Variants in SKIC2 observed in about 807,000 individuals in gnomAD.
SKIC2 encodes the protein superkiller complex protein 2.
At chr6:31,962,284 G>T in the SKIC2 span, among the ~76,000 whole-genome samples, 6 of 152,290 alleles carry the variant, frequency 3.9e-5, no homozygotes, top group African/African-American at 1.2e-4. The surrounding 1 kb of genome is among the most constrained non-coding windows in gnomAD (Gnocchi z 5.0). Context: ...AATTTTTCTG[G>T]GGTTATATCA....
chr6:31,960,249 C>G, the SKIC2 span: 1 of 1,613,134 alleles, frequency 6.2e-7, no homozygotes, highest in South Asian at 1.1e-5. Flanking sequence ...GATCCCTGGT[C>G]TCTTTTGGCT....
the SKIC2 span, chr6:31,960,850 C>T: frequency 1.0e-6 from 1 of 954,750 alleles, no homozygotes; most frequent in Non-Finnish European, 1.6e-6. Context: ...ATATTCTGTC[C>T]ATAACAACCT....
At chr6:31,960,632 C>G in the SKIC2 span, 8 of 1,584,230 alleles carry the variant, frequency 5.0e-6, no homozygotes, top group South Asian at 9.0e-5. Context: ...TTACCCTCAT[C>G]CCATGAATCC....
chr6:31,963,793 C>T, the SKIC2 span: 6 of 1,482,294 alleles, frequency 4.0e-6, no homozygotes, highest in African/African-American at 1.4e-5. This position sits in a 1 kb window ranked among gnomAD's most constrained non-coding sequence, Gnocchi z 5.3. Context: ...TCTTTTTTTT[C>T]CCCTTGTCCC....
chr6:31,968,959 T>A, the SKIC2 span: 1 of 1,612,808 alleles, frequency 6.2e-7, no homozygotes, highest in Non-Finnish European at 8.5e-7. The surrounding 1 kb of genome is among the most constrained non-coding windows in gnomAD (Gnocchi z 6.1). Flanking sequence ...CATGAGTTGC[T>A]CCTCACTGAG....
the SKIC2 span, among the ~76,000 whole-genome samples, chr6:31,964,591 G>C: frequency 6.6e-6 from 1 of 152,178 alleles, no homozygotes; most frequent in East Asian, 1.9e-4. This position sits in a 1 kb window ranked among gnomAD's most constrained non-coding sequence, Gnocchi z 5.0. Flanking sequence ...ATATGAATAC[G>C]TAGGTCTCAG....
the SKIC2 span, chr6:31,962,559 C>T: frequency 6.2e-7 from 1 of 1,613,624 alleles, no homozygotes; most frequent in South Asian, 1.1e-5. The surrounding 1 kb of genome is among the most constrained non-coding windows in gnomAD (Gnocchi z 5.0). Flanking sequence ...AGGCCTCCTG[C>T]CTCATCATGA....
At chr6:31,969,308 A>G in the SKIC2 span, 3 of 1,614,018 alleles carry the variant, frequency 1.9e-6, no homozygotes, top group East Asian at 2.2e-5. This position sits in a 1 kb window ranked among gnomAD's most constrained non-coding sequence, Gnocchi z 6.1. Flanking sequence ...GCTGTGGCCA[A>G]GCGGATTGGT....
chr6:31,967,411 G>T, the SKIC2 span: 2 of 1,516,706 alleles, frequency 1.3e-6, no homozygotes, highest in Non-Finnish European at 1.8e-6. The surrounding 1 kb of genome is among the most constrained non-coding windows in gnomAD (Gnocchi z 4.9). Flanking sequence ...TCCAGAGGGT[G>T]GGAGGGAGCA....
At chr6:31,967,925 C>G in the SKIC2 span, 1 of 1,613,002 alleles carries the variant, frequency 6.2e-7, no homozygotes, top group South Asian at 1.1e-5. This position sits in a 1 kb window ranked among gnomAD's most constrained non-coding sequence, Gnocchi z 4.9. Flanking sequence ...GGGTCCATGG[C>G]AATGTCTGCC....
At chr6:31,964,196 A>T in the SKIC2 span, 1 of 1,609,328 alleles carries the variant, frequency 6.2e-7, no homozygotes. The surrounding 1 kb of genome is among the most constrained non-coding windows in gnomAD (Gnocchi z 5.0). Context: ...GTGTTCCGAG[A>T]CTCCATCCCT....
chr6:31,964,473 A>G, the SKIC2 span: 2 of 686,202 alleles, frequency 2.9e-6, no homozygotes, highest in African/African-American at 1.8e-5. The surrounding 1 kb of genome is among the most constrained non-coding windows in gnomAD (Gnocchi z 5.0). Flanking sequence ...GATTCAGACT[A>G]CCTGGGTTTG....
At chr6:31,964,557 C>T in the SKIC2 span, among the ~76,000 whole-genome samples, 2 of 152,156 alleles carry the variant, frequency 1.3e-5, no homozygotes, top group African/African-American at 4.8e-5. This position sits in a 1 kb window ranked among gnomAD's most constrained non-coding sequence, Gnocchi z 5.0. Flanking sequence ...TTAGGTTTCC[C>T]ATCTTAAAAT....
chr6:31,968,966 T>G, the SKIC2 span: 2 of 1,612,938 alleles, frequency 1.2e-6, no homozygotes, highest in East Asian at 4.5e-5. The surrounding 1 kb of genome is among the most constrained non-coding windows in gnomAD (Gnocchi z 6.1). Flanking sequence ...TGCTCCTCAC[T>G]GAGCTCATGT....
At chr6:31,969,054 G>T in the SKIC2 span, 1 of 1,612,042 alleles carries the variant, frequency 6.2e-7, no homozygotes, top group Non-Finnish European at 8.5e-7. The surrounding 1 kb of genome is among the most constrained non-coding windows in gnomAD (Gnocchi z 6.1). Flanking sequence ...GAGCCCTGGG[G>T]ACGCTGGGGA....
At chr6:31,967,103 T>TG in the SKIC2 span, 3 of 1,612,482 alleles carry the variant, frequency 1.9e-6, no homozygotes, top group Non-Finnish European at 2.5e-6. The surrounding 1 kb of genome is among the most constrained non-coding windows in gnomAD (Gnocchi z 4.9). Flanking sequence ...ATATTACAGC[T>TG]GGGGGGAGGA....
the SKIC2 span, chr6:31,963,434 C>G: frequency 1.3e-6 from 2 of 1,599,678 alleles, no homozygotes; most frequent in South Asian, 1.1e-5. This position sits in a 1 kb window ranked among gnomAD's most constrained non-coding sequence, Gnocchi z 5.3. Flanking sequence ...GTCGTCAGAT[C>G]TATGTGATTA....
chr6:31,968,847 C>T, the SKIC2 span: 1 of 1,611,356 alleles, frequency 6.2e-7, no homozygotes, highest in Non-Finnish European at 8.5e-7. The surrounding 1 kb of genome is among the most constrained non-coding windows in gnomAD (Gnocchi z 6.1). Context: ...GCAGTGTGTC[C>T]AATGCCCACC....
the SKIC2 span, chr6:31,964,453 C>A: frequency 2.6e-6 from 2 of 767,060 alleles, no homozygotes; most frequent in South Asian, 1.5e-5. The surrounding 1 kb of genome is among the most constrained non-coding windows in gnomAD (Gnocchi z 5.0). Flanking sequence ...GGTTAAGAAT[C>A]TGGGCTCTGG....
Sources: allele counts gnomAD v4.1 joint callset (sites outside exome capture counted in the v4.1 genomes callset), GRCh38; gene constraint gnomAD v4.1.1; non-coding constraint Gnocchi (gnomAD v3.1); transcripts MANE v1.5; gene names NCBI Gene and HGNC (gene_info 2026-07-23, HGNC 2026-07-21).